Variants in ZC3H14 observed in about 807,000 individuals in gnomAD.
ZC3H14 encodes the protein zinc finger CCCH domain-containing protein 14.
A neutral mutation model predicts 92.4 loss-of-function variants in ZC3H14; 31 were observed. The observed-to-expected ratio is 0.34, with a 90% CI of 0.25 to 0.45. The LOEUF is 0.45. ZC3H14 is among the 20% of genes least tolerant of loss of function. The pLI is 1.00. For synonymous variants in ZC3H14, 321 were observed against 300.9 expected (o/e 1.07, Z -0.69); for missense variants, 781 against 897.3 (o/e 0.87, Z 1.66).
intron 9 of ZC3H14, among the ~76,000 whole-genome samples, chr14:88,588,151 A>G (rs1258620660): frequency 1.3e-5 from 2 of 151,554 alleles, no homozygotes; most frequent in Non-Finnish European, 2.9e-5. Flanking sequence ...TGGGTTTCCC[A>G]CTTTTTCTTA....
chr14:88,573,413 C>A (rs1445646477), intron 6 of ZC3H14, among the ~76,000 whole-genome samples: 1 of 151,922 alleles, frequency 6.6e-6, no homozygotes, highest in Non-Finnish European at 1.5e-5. Flanking sequence ...ACAAAAAAAA[C>A]ACATATTCCA....
At chr14:88,596,659 G>A in intron 9 of ZC3H14, 75 bp from the exon 10 acceptor site, 1 of 1,262,956 alleles carries the variant, frequency 7.9e-7, no homozygotes. Context: ...AACCCAGAAG[G>A]ATTGATTTTT....
chr14:88,567,123 TA>T (rs1173684266), intron 2 of ZC3H14, among the ~76,000 whole-genome samples: 2 of 19,412 alleles, frequency 1.0e-4, no homozygotes, highest in Non-Finnish European at 3.4e-4. Context: ...TTTATTTATT[TA>T]TTTTTTTTTG....
At position 88,577,841 on chromosome 14, in the gene ZC3H14, T is replaced by C. The variant is rs544715770; in HGVS notation, c.1124-144T>C. On this transcript the variant is annotated intron_variant, in intron 8 of 16. Coordinates refer to ENST00000251038, the MANE Select transcript of ZC3H14 (RefSeq NM_024824.5). ...CACCTTGCCTCCCAAAGTGCTGAGA[T>C]TACAGGCATGAGCCACTGCGCCCAG... 16 of 1,020,658 alleles carry C rather than the reference T, an allele frequency of 1.6e-5. No homozygotes were observed. In the East Asian group the frequency reaches 4.1e-4, roughly 26 times the overall value. The allele number at this position is 1,020,658 out of a possible 1,614,324, so 63.2% of individuals were successfully genotyped here. A position where few individuals can be genotyped will look rare whatever the true frequency, so the allele number is the denominator to read the frequency against.
At chr14:88,594,762 A>G (rs772218460) in intron 9 of ZC3H14, 2 of 1,614,082 alleles carry the variant, frequency 1.2e-6, no homozygotes, top group Admixed American at 3.3e-5. Context: ...CACCACCTCT[A>G]CCAATTTTTC....
At chr14:88,578,640 TCCTG>T (rs1327373474) in intron 9 of ZC3H14, among the ~76,000 whole-genome samples, 1 of 152,084 alleles carries the variant, frequency 6.6e-6, no homozygotes, top group Non-Finnish European at 1.5e-5. Flanking sequence ...TTTTTGTTGA[TCCTG>T]CCCGTTTACC....
intron 8 of ZC3H14, 85 bp downstream of exon 8, chr14:88,576,025 A>AC: frequency 8.4e-7 from 1 of 1,194,336 alleles, no homozygotes; most frequent in Non-Finnish European, 1.2e-6. Flanking sequence ...CTTAAATTGT[A>AC]AAATAAAGGT....
rs1229072198 is a variant in ZC3H14 at position 88,572,969 on chromosome 14, C to A, written c.823C>A (p.Pro275Thr). 4 of 1,614,054 alleles carry A rather than the reference C, an allele frequency of 2.5e-6. No homozygotes were observed. Among genetic ancestry groups the A allele is most frequent in the Middle Eastern group, 1.6e-4 (1 of 6,062 alleles). ...TAACAGCTTAGAAGAAACGTATAGT[C>A]CGTTCTTTAGAAACAACTCGGAGAA... ...VLNSLEETYS[P>T]FFRNNSEKMS... The change falls in exon 6 of 17, where the codon CCG becomes ACG. Residue 275 changes from proline (P) to threonine (T), a missense_variant. Transcript: ENST00000251038.
Position 88,617,068 on chromosome 14 carries a change from CATTTT to C in ZC3H14, c.*5320_*5324del. ...ATCAACTCCTGCCTTTTAAAAATGA[CATTTT>C]ATAATTTGAAGGGTTTCTAGATTAA... On this transcript the variant is annotated 3_prime_UTR_variant, in exon 17 of 17. Coordinates refer to ENST00000251038, the MANE Select transcript of ZC3H14 (RefSeq NM_024824.5). The C allele has an allele frequency of 2.2e-6, 1 of 454,292 alleles. No individual in the cohort carries two copies. The highest frequency in any genetic ancestry group is 1.9e-5 in the African/African-American group (1 of 51,346). The allele number at this position is 454,292 out of a possible 1,614,324, so 28.1% of individuals were successfully genotyped here.
Position 88,620,345 on chromosome 14 carries a change from A to T in ZC3H14, c.*8594A>T, listed in dbSNP as rs543989735. 1 of 156,296 alleles carries T rather than the reference A, an allele frequency of 6.4e-6. No individual in the cohort carries two copies. The highest frequency in any genetic ancestry group is 2.4e-5 in the African/African-American group (1 of 41,764). The allele number at this position is 156,296 out of a possible 1,614,324, so 9.7% of individuals were successfully genotyped here. ...ACATTTAATCAATAGGTATTGATTA[A>T]ATTAATGAACTACATATTCCCAAAC... On this transcript the variant is annotated 3_prime_UTR_variant, in exon 17 of 17. Coordinates refer to ENST00000251038, the MANE Select transcript of ZC3H14 (RefSeq NM_024824.5). The surrounding 1 kb of genome is among the most constrained non-coding windows in gnomAD (Gnocchi z 4.3).
intron 15 of ZC3H14, 116 bp downstream of exon 15, chr14:88,609,919 T>A: frequency 9.0e-7 from 1 of 1,106,034 alleles, no homozygotes; most frequent in Non-Finnish European, 1.3e-6. Flanking sequence ...TTTTTGCCAG[T>A]AAAACTATTA....
intron 3 of ZC3H14, 58 bp from the exon 4 acceptor site, chr14:88,571,026 T>A: frequency 1.5e-6 from 2 of 1,372,156 alleles, no homozygotes; most frequent in South Asian, 1.7e-5. Context: ...AGAGTGACAG[T>A]TGAAATGAAA....
chr14:88,621,925 G>A lies in ZC3H14; in HGVS notation c.*10174G>A. On this transcript the variant is annotated 3_prime_UTR_variant, in exon 17 of 17. Coordinates refer to ENST00000251038, the MANE Select transcript of ZC3H14 (RefSeq NM_024824.5). ...AATACCTGAAAATACATAAATACGTGATTCTTAACTATAGTCATCCTACAG... is the reference window on the plus strand; with the variant it reads ...AATACCTGAAAATACATAAATACGTAATTCTTAACTATAGTCATCCTACAG... 1 of 455,314 alleles carries A rather than the reference G, an allele frequency of 2.2e-6. No individual in the cohort carries two copies. Among genetic ancestry groups the A allele is most frequent in the South Asian group, 1.6e-5 (1 of 64,282 alleles). The allele number at this position is 455,314 out of a possible 1,614,324, so 28.2% of individuals were successfully genotyped here. A position where few individuals can be genotyped will look rare whatever the true frequency, so the allele number is the denominator to read the frequency against.
Position 88,615,683 on chromosome 14 carries a change from A to C in ZC3H14, c.*3932A>C, listed in dbSNP as rs2087484909. ...ATTTTGAACAGATCAGTCTTTCACT[A>C]TTTTGATGATTCTGGGCATTTCTCC... On this transcript the variant is annotated 3_prime_UTR_variant, in exon 17 of 17. Transcript: ENST00000251038. 1 of 765,304 alleles carries C rather than the reference A, an allele frequency of 1.3e-6. No individual in the cohort carries two copies. The highest frequency in any genetic ancestry group is 2.9e-5 in the Admixed American group (1 of 34,850). The allele number at this position is 765,304 out of a possible 1,614,324, so 47.4% of individuals were successfully genotyped here.
At chr14:88,568,960 C>A (rs1260993383) in intron 3 of ZC3H14, among the ~76,000 whole-genome samples, 1 of 152,088 alleles carries the variant, frequency 6.6e-6, no homozygotes, top group East Asian at 1.9e-4. Context: ...TGGCTCGCTG[C>A]AGCCTCGATC....
At chr14:88,592,959 G>A (rs1048129532) in intron 9 of ZC3H14, among the ~76,000 whole-genome samples, 3 of 146,688 alleles carry the variant, frequency 2.0e-5, no homozygotes, top group African/African-American at 7.4e-5. Context: ...TGGATTGGAA[G>A]TCTTTACTAT....
chr14:88,578,083 A>T lies in ZC3H14; in HGVS notation c.1222A>T (p.Ile408Leu), dbSNP rs369320752. 6.2e-7 allele frequency: 1 copy of T among 1,614,196 alleles called. No individual in the cohort carries two copies. Among genetic ancestry groups the T allele is most frequent in the Non-Finnish European group, 8.5e-7 (1 of 1,180,034 alleles). The change falls in exon 9 of 17, where the codon ATA becomes TTA. Residue 408 changes from isoleucine (I) to leucine (L), a missense_variant. Ile to Leu is a conservative substitution (Grantham distance 5). This residue lies in a region of ZC3H14 where 454 missense variants were observed against 438.5 expected (regional missense o/e 1.04). Coordinates refer to ENST00000251038, the MANE Select transcript of ZC3H14 (RefSeq NM_024824.5). The stretch of plus-strand genomic sequence containing the variant: ...CCAGGGACAAAGTAGGACCCCCAGA[A>T]TAAGTCCCCCCATTAAAGAAGAGGA... ...VVQGQSRTPR[I>L]SPPIKEEETK...
chr14:88,610,893 T>G lies in ZC3H14; in HGVS notation c.2157T>G (p.Ile719Met). ...ACTGCACATTCTACCATCCCACCAT[T>G]AATGTCCCACCACGACATGCCTTGA... ...RPDCTFYHPT[I>M]NVPPRHALKW... Residue 719 changes from isoleucine to methionine, a missense_variant, in exon 16 of 17, where the codon ATT becomes ATG. This residue lies in a region of ZC3H14 where 221 missense variants were observed against 304.7 expected (regional missense o/e 0.73). Coordinates refer to ENST00000251038, the MANE Select transcript of ZC3H14 (RefSeq NM_024824.5). 1 of 1,614,196 alleles carries G rather than the reference T, an allele frequency of 6.2e-7. No individual in the cohort carries two copies. The highest frequency in any genetic ancestry group is 8.5e-7 in the Non-Finnish European group (1 of 1,180,026).
At position 88,616,867 on chromosome 14, in the gene ZC3H14, A is replaced by G; in HGVS notation, c.*5116A>G. The G allele has an allele frequency of 6.2e-7, 1 of 1,613,724 alleles. No individual in the cohort carries two copies. The highest frequency in any genetic ancestry group is 8.5e-7 in the Non-Finnish European group (1 of 1,179,706). ...GTCTGGACCAGATTCCCAAAACCTC[A>G]TCTCCTAGAATACTAGAGGGAAGGA... On this transcript the variant is annotated 3_prime_UTR_variant, in exon 17 of 17. Transcript: ENST00000251038.
Sources: gnomAD v4.1 joint callset for allele counts (sites outside exome capture counted in the v4.1 genomes callset) on GRCh38, gnomAD v4.1.1 for gene constraint, gnomAD v4.1.1 regional missense constraint, Gnocchi (gnomAD v3.1) non-coding constraint, MANE v1.5 for transcripts, NCBI Gene and HGNC (gene_info 2026-07-23, HGNC 2026-07-21) for gene names.